CSF2RB: variants seen among roughly 807,000 people sequenced by gnomAD.
CSF2RB encodes the protein cytokine receptor common subunit beta.
Under a neutral mutation model 67.2 loss-of-function variants are expected in CSF2RB, and 22 were observed. The observed-to-expected ratio is 0.33, with a 90% CI of 0.23 to 0.47. The LOEUF is 0.47. Ranked by LOEUF, CSF2RB falls within the 20% of genes least tolerant of loss-of-function variation. CSF2RB has a pLI of 1.00. For missense variants in CSF2RB, 1,113 were observed against 1,174.5 expected, an observed-to-expected ratio of 0.95 and a Z score of 0.76; for synonymous variants, 507 against 482.9, an observed-to-expected ratio of 1.05 and a Z score of -0.65.
chr22:36,913,827 C>G (rs1175700379), intron 1 of CSF2RB, 150 bp downstream of exon 1: 1 of 152,478 alleles, frequency 6.6e-6, no homozygotes, highest in African/African-American at 2.4e-5. Context: ...AGGGCTTGGC[C>G]TCTTAGGATG....
At chr22:36,932,666 G>A in intron 8 of CSF2RB, 99 bp from the exon 9 acceptor site, 14 of 1,417,182 alleles carry the variant, frequency 9.9e-6, no homozygotes, top group Non-Finnish European at 1.4e-5. Context: ...CTGGGGTCTG[G>A]TGCCAGTGGA....
chr22:36,913,837 G>A (rs1940649492), intron 1 of CSF2RB, among the ~76,000 whole-genome samples, 160 bp downstream of exon 1: 1 of 152,096 alleles, frequency 6.6e-6, no homozygotes, highest in African/African-American at 2.4e-5. Flanking sequence ...CTCTTAGGAT[G>A]ACCTGAGCCC....
In CSF2RB at chr22:36,937,597, C is replaced by T. The variant is rs1207314066; in HGVS notation, c.1789C>T (p.Pro597Ser). ...CTTCAATGGGCCCTACCTGGGGCCG[C>T]CCCACAGCCGCTCCCTACCTGACAT... ...FDFNGPYLGPPHSRSLPDILG... is the reference protein window; with the variant it reads ...FDFNGPYLGPSHSRSLPDILG... The change falls in exon 14 of 14, where the codon CCC becomes TCC. Residue 597 changes from proline to serine, a missense_variant. By Grantham distance (74) the Pro-to-Ser change is moderately conservative. Around this residue, in one of 2 missense-constraint regions of CSF2RB, gnomAD observed 554 missense variants for 517.9 expected, o/e 1.07. Transcript: ENST00000403662. This position sits in a 1 kb window ranked among gnomAD's most constrained non-coding sequence, Gnocchi z 4.6. 6.3e-7 allele frequency: 1 copy of T among 1,588,796 alleles called. No homozygotes were observed. Among genetic ancestry groups the T allele is most frequent in the East Asian group, 2.3e-5 (1 of 43,462 alleles).
chr22:36,939,675 T>C lies in CSF2RB; in HGVS notation c.*1173T>C, dbSNP rs1288251714. 1.7e-5 allele frequency: 3 copies of C among 177,880 alleles called. No individual in the cohort carries two copies. The highest frequency in any genetic ancestry group is 7.1e-5 in the African/African-American group (3 of 42,404). The allele number at this position is 177,880 out of a possible 1,614,324, so 11.0% of individuals were successfully genotyped here. A position where few individuals can be genotyped will look rare whatever the true frequency, so the allele number is the denominator to read the frequency against. Reference sequence around the variant, plus strand: ...AAGCCCATTAAGGTCTTTCTTCTGTTGGGTGCTATCATTTTCTGATTAAGT... The same window carrying C: ...AAGCCCATTAAGGTCTTTCTTCTGTCGGGTGCTATCATTTTCTGATTAAGT... On this transcript the variant is annotated 3_prime_UTR_variant, in exon 14 of 14. Coordinates refer to ENST00000403662, the MANE Select transcript of CSF2RB (RefSeq NM_000395.3).
intron 1 of CSF2RB, among the ~76,000 whole-genome samples, chr22:36,915,244 G>A (rs1345950211): frequency 2.0e-5 from 3 of 151,898 alleles, no homozygotes; most frequent in Admixed American, 6.6e-5. Context: ...GCCACCACAC[G>A]TGGCTAATTT....
chr22:36,916,483 C>T (rs934069654), intron 1 of CSF2RB, among the ~76,000 whole-genome samples: 5 of 152,170 alleles, frequency 3.3e-5, no homozygotes, highest in African/African-American at 9.7e-5. Context: ...TTTTCTCTTC[C>T]ATTTGGCTGT....
chr22:36,928,440 C>T (rs1009802730), intron 4 of CSF2RB, among the ~76,000 whole-genome samples: 2 of 152,116 alleles, frequency 1.3e-5, no homozygotes, highest in South Asian at 2.1e-4. Flanking sequence ...GGGCGGTTCC[C>T]CTGCTGTGTG....
In CSF2RB at chr22:36,930,696, T is replaced by G; in HGVS notation, c.878T>G (p.Leu293Arg). 6.2e-7 allele frequency: 1 copy of G among 1,612,998 alleles called. No individual in the cohort carries two copies. Among genetic ancestry groups the G allele is most frequent in the Non-Finnish European group, 8.5e-7 (1 of 1,180,014 alleles). Reference sequence around the variant, plus strand: ...AGGGAGGAAGAGTGCTCCCCAGTGCTGAGGGAGGGGCTCGGCAGCCTCCAC... The same window carrying G: ...AGGGAGGAAGAGTGCTCCCCAGTGCGGAGGGAGGGGCTCGGCAGCCTCCAC... Reference protein sequence around the residue: ...DAGEEECSPVLREGLGSLHTR... With the variant: ...DAGEEECSPVRREGLGSLHTR... The change falls in exon 8 of 14, where the codon CTG (leucine) becomes CGG (arginine). Residue 293 changes from leucine to arginine, a missense_variant. This residue lies in a region of CSF2RB where 559 missense variants were observed against 656.5 expected (regional missense o/e 0.85). Transcript: ENST00000403662.
In CSF2RB at chr22:36,938,166, C is replaced by A. The variant is rs776904458; in HGVS notation, c.2358C>A (p.Pro786=). The change falls in exon 14 of 14, where the codon CCC becomes CCA. Residue 786 remains proline, a synonymous_variant. Coordinates refer to ENST00000403662, the MANE Select transcript of CSF2RB (RefSeq NM_000395.3). ...GGTCACCAAGGAACAATCCTGTCCC[C>A]CCTGAGGCCAAAAGCCCTGTCCTGA... ...SPRSPRNNPV[P]PEAKSPVLNP... The A allele has an allele frequency of 6.2e-7, 1 of 1,614,136 alleles. No individual in the cohort carries two copies. The highest frequency in any genetic ancestry group is 1.3e-5 in the African/African-American group (1 of 75,046).
At chr22:36,930,227 C>G in intron 6 of CSF2RB, 148 bp from the exon 7 acceptor site, 1 of 1,094,580 alleles carries the variant, frequency 9.1e-7, no homozygotes, top group African/African-American at 1.5e-5. Flanking sequence ...GTTGGACACA[C>G]AGCTGGCAGG....
Position 36,922,055 on chromosome 22 carries a change from C to A in CSF2RB, c.-153C>A. ...CTGCAGGCCTGGAGGAGGCAGAGGC[C>A]AGGAGGGAGAGGTCCCAAGAGCCTG... On this transcript the variant is annotated 5_prime_UTR_variant, in exon 2 of 14. Coordinates refer to ENST00000403662, the MANE Select transcript of CSF2RB (RefSeq NM_000395.3). 1.5e-6 allele frequency: 1 copy of A among 678,496 alleles called. No individual in the cohort carries two copies. The highest frequency in any genetic ancestry group is 1.7e-5 in the South Asian group (1 of 60,462). The allele number at this position is 678,496 out of a possible 1,614,324, so 42.0% of individuals were successfully genotyped here.
In CSF2RB at chr22:36,938,052, G is replaced by A; in HGVS notation, c.2244G>A (p.Leu748=). Residue 748 remains leucine (L), a synonymous_variant, in exon 14 of 14, where the codon CTG becomes CTA. Coordinates refer to ENST00000403662, the MANE Select transcript of CSF2RB (RefSeq NM_000395.3). ...AGACCCCCAGCTTATGTCCTGGGCT[G>A]GCCAGTGGACCCCCTGGAGCCCCAG... ...SDQTPSLCPG[L]ASGPPGAPGP... The A allele has an allele frequency of 6.2e-7, 1 of 1,614,092 alleles. No individual in the cohort carries two copies. The highest frequency in any genetic ancestry group is 8.5e-7 in the Non-Finnish European group (1 of 1,180,012).
intron 1 of CSF2RB, among the ~76,000 whole-genome samples, chr22:36,916,073 A>G (rs2145763902): frequency 6.6e-6 from 1 of 152,320 alleles, no homozygotes; most frequent in South Asian, 2.1e-4. Flanking sequence ...TACCATGTTT[A>G]AGATGTCTTA....
rs922972935 is a variant in CSF2RB, at chr22:36,939,001, A to G, written c.*499A>G. 5 of 622,712 alleles carry G rather than the reference A, an allele frequency of 8.0e-6. No homozygotes were observed. The Admixed American group carries it at 1.3e-4, about 16-fold the overall frequency. The allele number at this position is 622,712 out of a possible 1,614,324, so 38.6% of individuals were successfully genotyped here. A position where few individuals can be genotyped will look rare whatever the true frequency, so the allele number is the denominator to read the frequency against. On this transcript the variant is annotated 3_prime_UTR_variant, in exon 14 of 14. Transcript: ENST00000403662. ...ATTCTCATCTGGGTGCAGAGGTGGG[A>G]GGCACCAGGTGGGCACCCGTGGGGG...
intron 1 of CSF2RB, among the ~76,000 whole-genome samples, chr22:36,915,422 T>TATA (rs1555921176): frequency 2.6e-4 from 38 of 146,368 alleles, no homozygotes; most frequent in Admixed American, 6.9e-4. Context: ...ATTATTTTAT[T>TATA]TATATATATA....
At chr22:36,920,031 C>T (rs190622423) in intron 1 of CSF2RB, among the ~76,000 whole-genome samples, 45 of 152,286 alleles carry the variant, frequency 3.0e-4, no homozygotes, top group Non-Finnish European at 1.2e-4. Context: ...CCTTACCAAC[C>T]GTGTGACTGT....
At position 36,925,849 on chromosome 22, in the gene CSF2RB, G is replaced by A; in HGVS notation, c.201-138G>A. The A allele has an allele frequency of 3.2e-6, 3 of 929,602 alleles. No homozygotes were observed. In the Admixed American group the frequency reaches 6.1e-5, roughly 19 times the overall value. The allele number at this position is 929,602 out of a possible 1,614,324, so 57.6% of individuals were successfully genotyped here. A position where few individuals can be genotyped will look rare whatever the true frequency, so the allele number is the denominator to read the frequency against. On this transcript the variant is annotated intron_variant, in intron 3 of 13. Coordinates refer to ENST00000403662, the MANE Select transcript of CSF2RB (RefSeq NM_000395.3). ...CCTTCTCCCAGGATGGCAGCTCCGT[G>A]GGCAGGATTTTTGTGTGTTTTATCA...
chr22:36,921,399 T>C lies in CSF2RB; in HGVS notation c.-172-637T>C, dbSNP rs543651754. ...TGTGTGCATGTTTTGTGTGTACGTG[T>C]ATATATGTATGTATCTGTGTGTGTC... On this transcript the variant is annotated intron_variant, in intron 1 of 13. Transcript: ENST00000403662. Among the ~76,000 whole-genome samples, 107 of 151,982 alleles carry C rather than the reference T, an allele frequency of 7.0e-4. No individual in the cohort carries two copies. The South Asian group carries it at 7.9e-3, about 11-fold the overall frequency.
chr22:36,929,676 C>G lies in CSF2RB; in HGVS notation c.587C>G (p.Thr196Ser). 3.1e-6 allele frequency: 5 copies of G among 1,614,218 alleles called. No individual in the cohort carries two copies. Among genetic ancestry groups the G allele is most frequent in the Non-Finnish European group, 4.2e-6 (5 of 1,180,026 alleles). ...AILLSNTSQA[T>S]LGPEHLMPSS... is the part of the protein sequence containing the mutation. ...CTCCTCTCCAACACCTCCCAGGCCA[C>G]CCTGGGGCCAGAGCACCTCATGCCC... Residue 196 changes from threonine (T) to serine (S), a missense_variant, in exon 6 of 14, where the codon ACC becomes AGC. Transcript: ENST00000403662.
Sources: gnomAD v4.1 joint callset for allele counts (sites outside exome capture counted in the v4.1 genomes callset) on GRCh38, gnomAD v4.1.1 for gene constraint, gnomAD v4.1.1 regional missense constraint, Gnocchi (gnomAD v3.1) non-coding constraint, MANE v1.5 for transcripts, NCBI Gene and HGNC (gene_info 2026-07-23, HGNC 2026-07-21) for gene names.